IL27RA: variants seen among roughly 807,000 people sequenced by gnomAD.
IL27RA encodes the protein interleukin 27 receptor subunit alpha.
In IL27RA, 61 loss-of-function variants were observed where a neutral mutation model predicts 80.8. That is an observed-to-expected ratio of 0.76 (90% CI 0.61 to 0.93). The LOEUF is 0.93. Ranked by LOEUF, IL27RA falls within the 40% of genes least tolerant of loss-of-function variation. The pLI is 0.00. For missense variants in IL27RA, 735 were observed against 808.1 expected (o/e 0.91, Z 1.10); for synonymous variants, 316 against 332.5 (o/e 0.95, Z 0.54).
chr19:14,042,361 C>T, intron 4 of IL27RA, 92 bp from the exon 5 acceptor site: 1 of 1,404,122 alleles, frequency 7.1e-7, no homozygotes, highest in Non-Finnish European at 9.7e-7. Context: ...GAGACTGTCT[C>T]AAAACGAAAA....
At chr19:14,051,582 A>G (rs1430076330) in intron 11 of IL27RA, 25 bp from the exon 12 acceptor site, 2 of 1,260,158 alleles carry the variant, frequency 1.6e-6, no homozygotes, top group Non-Finnish European at 1.1e-6. Flanking sequence ...AAAAATTAAG[A>G]ATGATCTCTT....
intron 4 of IL27RA, among the ~76,000 whole-genome samples, 187 bp from the exon 5 acceptor site, chr19:14,042,266 T>C (rs1975999996): frequency 6.6e-6 from 1 of 151,074 alleles, no homozygotes; most frequent in Admixed American, 6.6e-5. Flanking sequence ...CTCAGGAGGC[T>C]GAGGCAGGAG....
chr19:14,036,779 C>T lies in IL27RA; in HGVS notation c.219-2729C>T, dbSNP rs8105719. Among the ~76,000 whole-genome samples the T allele has an allele frequency of 1.4e-3, 210 of 150,198 alleles. 1 individual carries two copies. Among genetic ancestry groups the T allele is most frequent in the African/African-American group, 4.9e-3 (199 of 40,912 alleles). On this transcript the variant is annotated intron_variant, in intron 2 of 13. Transcript: ENST00000263379. ...CTGGGATTACAGGCGTGAGCCACCA[C>T]GCACAGTGTATTTTCTTCTTTTTTA... is the stretch of plus-strand genomic sequence containing the variant.
In IL27RA at chr19:14,049,328, C is replaced by A. The variant is rs1358468224; in HGVS notation, c.1402+14C>A. On this transcript the variant is annotated intron_variant, in intron 10 of 13. Transcript: ENST00000263379. Reference sequence around the variant, plus strand: ...TCTGCATGAATGGTGAGCTTCCCTGCCTGCTGACCTGTCCTCCCAGCCCCC... The same window carrying A: ...TCTGCATGAATGGTGAGCTTCCCTGACTGCTGACCTGTCCTCCCAGCCCCC... 6.2e-7 allele frequency: 1 copy of A among 1,606,806 alleles called. No individual in the cohort carries two copies. The highest frequency in any genetic ancestry group is 2.2e-5 in the East Asian group (1 of 44,680).
chr19:14,050,870 G>T lies in IL27RA; in HGVS notation c.1515G>T (p.Arg505=). The T allele has an allele frequency of 1.2e-6, 2 of 1,609,500 alleles. No individual in the cohort carries two copies. The highest frequency in any genetic ancestry group is 1.7e-6 in the Non-Finnish European group (2 of 1,176,676). Residue 505 remains arginine (R), a synonymous_variant, in exon 11 of 14, where the codon CGG becomes CGT. Transcript: ENST00000263379. ...AGGGCCCTCCTGGTCCCATCCTCCG[G>T]CTTCATCTACCAGGTAGGGGGGTTG... is the stretch of plus-strand genomic sequence containing the variant. The part of the protein sequence containing the change: ...AGQGPPGPIL[R]LHLPDNTLRW...
At position 14,032,503 on chromosome 19, in the gene IL27RA, A is replaced by G. The variant is rs756491819; in HGVS notation, c.218A>G (p.Tyr73Cys). Residue 73 changes from tyrosine to cysteine, a missense_variant and splice_region_variant, in exon 2 of 14, where the codon TAC (tyrosine) becomes TGC (cysteine). By Grantham distance (194) the Tyr-to-Cys change is radical (BLOSUM62 -2). Coordinates refer to ENST00000263379, the MANE Select transcript of IL27RA (RefSeq NM_004843.4). The stretch of plus-strand genomic sequence containing the variant: ...GAGTTACACCTCCAGAGCCAAAAGT[A>G]GTGAGTACAGGGAGGTGACGTGGGG... The part of the protein sequence containing the change: ...PSELHLQSQK[Y>C]RSNKTQTVAV... 7 of 1,597,112 alleles carry G rather than the reference A, an allele frequency of 4.4e-6. No homozygotes were observed. The highest frequency in any genetic ancestry group is 3.3e-5 in the South Asian group (3 of 90,738).
At chr19:14,034,757 C>T (rs995855307) in intron 2 of IL27RA, among the ~76,000 whole-genome samples, 115 of 151,474 alleles carry the variant, frequency 7.6e-4, no homozygotes, top group Non-Finnish European at 1.4e-3. Flanking sequence ...TCGAGACCAT[C>T]CTGGCTAACA....
At position 14,051,883 on chromosome 19, in the gene IL27RA, C is replaced by T; in HGVS notation, c.1626C>T (p.Cys542=). 1 of 1,578,808 alleles carries T rather than the reference C, an allele frequency of 6.3e-7. No homozygotes were observed. The highest frequency in any genetic ancestry group is 1.3e-5 in the African/African-American group (1 of 74,372). The part of the protein sequence containing the change: ...CGLSLATSGR[C]YHLRHKVLPR... ...CTGACTACTCCTGTCTTGCCAGGTG[C>T]TACCACCTAAGGCACAAAGTGCTGC... The change falls in exon 13 of 14, where the codon TGC becomes TGT. Residue 542 remains cysteine (C), a synonymous_variant. Transcript: ENST00000263379.
At chr19:14,047,353 C>T (rs925079805) in intron 8 of IL27RA, among the ~76,000 whole-genome samples, 2 of 128,198 alleles carry the variant, frequency 1.6e-5, no homozygotes, top group South Asian at 2.7e-4. Flanking sequence ...CCCAGCCTAA[C>T]TTTTCTTTTT....
chr19:14,049,962 G>T (rs1283980743), intron 10 of IL27RA, among the ~76,000 whole-genome samples: 1 of 151,822 alleles, frequency 6.6e-6, no homozygotes, highest in African/African-American at 2.4e-5. Context: ...GCCAAGGCAG[G>T]CAGATCACTT....
Position 14,049,021 on chromosome 19 carries a change from C to T in IL27RA, c.1182C>T (p.Thr394=), listed in dbSNP as rs771874066. ...TVGVPYRITV[T]AVSASGLASA... Reference sequence around the variant, plus strand: ...GGGTCCCCTATCGAATCACTGTGACCGCAGTCTCTGCTTCAGGCTTGGCCT... The same window carrying T: ...GGGTCCCCTATCGAATCACTGTGACTGCAGTCTCTGCTTCAGGCTTGGCCT... Residue 394 remains threonine (T), a synonymous_variant, in exon 9 of 14, where the codon ACC becomes ACT. Transcript: ENST00000263379. 6.6e-5 allele frequency: 106 copies of T among 1,613,848 alleles called. No homozygotes were observed. The highest frequency in any genetic ancestry group is 1.6e-4 in the Middle Eastern group (1 of 6,082).
chr19:14,051,729 C>T (rs1268280490), intron 12 of IL27RA, 29 bp downstream of exon 12: 9 of 1,539,652 alleles, frequency 5.8e-6, no homozygotes, highest in Non-Finnish European at 8.0e-6. Flanking sequence ...TGCATCTCTA[C>T]CCACGTGGGG....
Position 14,031,822 on chromosome 19 carries a change from C to G in IL27RA, c.-51C>G. ...CAGAGCTCGAAGAGGAGCAGCGCGG[C>G]CGCGCGGACCCGGCAAGGCTGGGCC... On this transcript the variant is annotated 5_prime_UTR_variant, in exon 1 of 14. Transcript: ENST00000263379. The G allele has an allele frequency of 1.4e-6, 2 of 1,468,152 alleles. No homozygotes were observed. Among genetic ancestry groups the G allele is most frequent in the Non-Finnish European group, 1.8e-6 (2 of 1,084,666 alleles). 90.9% of individuals were successfully genotyped at this position (1,468,152 alleles called of 1,614,324 possible).
intron 6 of IL27RA, among the ~76,000 whole-genome samples, chr19:14,044,302 C>T (rs1224740325): frequency 1.3e-5 from 2 of 151,772 alleles, no homozygotes; most frequent in African/African-American, 2.4e-5. Context: ...TGCAATGGGG[C>T]GATCTTGGCT....
In IL27RA at chr19:14,048,039, C is replaced by T. The variant is rs1210123119; in HGVS notation, c.1142-942C>T. 9.3e-5 allele frequency among the ~76,000 whole-genome samples: 14 copies of T among 150,644 alleles called. No individual in the cohort carries two copies. In the Admixed American group the frequency reaches 9.3e-4, roughly 10 times the overall value. ...GTGGCGTGATCTCAGCTCACTGCAG[C>T]GTCGACCTCCATGGCTCAAGCAATC... On this transcript the variant is annotated intron_variant, in intron 8 of 13. Coordinates refer to ENST00000263379, the MANE Select transcript of IL27RA (RefSeq NM_004843.4).
intron 2 of IL27RA, among the ~76,000 whole-genome samples, chr19:14,036,602 C>T (rs998377346): frequency 1.3e-5 from 2 of 150,428 alleles, no homozygotes; most frequent in African/African-American, 2.5e-5. Flanking sequence ...GATTCTCGTG[C>T]CTCAGCCTCC....
intron 2 of IL27RA, among the ~76,000 whole-genome samples, chr19:14,035,151 A>C (rs553665888): frequency 5.9e-5 from 9 of 151,442 alleles, no homozygotes; most frequent in Middle Eastern, 3.5e-3. Flanking sequence ...CACCATGCCC[A>C]GCTAATTTTT....
intron 8 of IL27RA, among the ~76,000 whole-genome samples, chr19:14,047,447 C>T (rs377037515): frequency 3.7e-4 from 55 of 149,440 alleles, no homozygotes; most frequent in Middle Eastern, 7.0e-3. Flanking sequence ...CTTCACCTCC[C>T]GGGTTCAAGC....
Position 14,051,989 on chromosome 19 carries a change from G to T in IL27RA, c.1716+16G>T. 6.3e-7 allele frequency: 1 copy of T among 1,577,006 alleles called. No homozygotes were observed. The highest frequency in any genetic ancestry group is 8.6e-7 in the Non-Finnish European group (1 of 1,159,700). On this transcript the variant is annotated intron_variant, in intron 13 of 13. Transcript: ENST00000263379. ...CCACATGGAGGTGAGTCAAAGGGCCGGCTAGTCGGAGCCCTCTGGGGGACT... is the reference window on the plus strand; with the variant it reads ...CCACATGGAGGTGAGTCAAAGGGCCTGCTAGTCGGAGCCCTCTGGGGGACT...
Sources: gnomAD v4.1 joint callset for allele counts (sites outside exome capture counted in the v4.1 genomes callset) on GRCh38, gnomAD v4.1.1 for gene constraint, MANE v1.5 for transcripts, NCBI Gene and HGNC (gene_info 2026-07-23, HGNC 2026-07-21) for gene names.